Variants in NUP58 observed in about 807,000 individuals in gnomAD.
The protein encoded by NUP58 is nucleoporin 58, also known as nucleoporin p58/p45.
Under a neutral mutation model 70.1 loss-of-function variants are expected in NUP58, and 17 were observed. That is an observed-to-expected ratio of 0.24 (90% confidence interval 0.17 to 0.36). The LOEUF is 0.36. Among genes scored for constraint, NUP58 ranks in the 10% least tolerant of loss-of-function variants. NUP58 has a pLI of 1.00. For synonymous variants in NUP58, 275 were observed against 257.6 expected (o/e 1.07, Z -0.65); for missense variants, 644 against 701.5 (o/e 0.92, Z 0.93).
At chr13:25,335,481 A>G in intron 13 of NUP58, 1 of 985,054 alleles carries the variant, frequency 1.0e-6, no homozygotes, top group Non-Finnish European at 1.2e-6. Flanking sequence ...AGAAAGTATA[A>G]TAATATGCTT....
At chr13:25,317,090 C>T (rs965855163) in intron 6 of NUP58, among the ~76,000 whole-genome samples, 13 of 151,906 alleles carry the variant, frequency 8.6e-5, no homozygotes, top group Non-Finnish European at 1.3e-4. Context: ...TTAGCTTGGG[C>T]CCTGCAGTAC....
rs35470592 is a variant in NUP58, at chr13:25,308,469, ATT to A, written c.250+539_250+540del. Among the ~76,000 whole-genome samples, 627 of 137,784 alleles carry A rather than the reference ATT, an allele frequency of 4.6e-3. 2 individuals carry two copies. The highest frequency in any genetic ancestry group is 0.014 in the East Asian group (69 of 4,764). The allele number at this position is 137,784 out of a possible 152,430, so 90.4% of individuals were successfully genotyped here. A position where few individuals can be genotyped will look rare whatever the true frequency, so the allele number is the denominator to read the frequency against. ...ACGTGTGCACCACCACGCCTGGCTAATTTTTTTTTTTTTTTTTTTACTTTTTT... is the reference window on the plus strand; with the variant it reads ...ACGTGTGCACCACCACGCCTGGCTAATTTTTTTTTTTTTTTTTACTTTTTT... On this transcript the variant is annotated intron_variant, in intron 2 of 15. Coordinates refer to ENST00000381736, the MANE Select transcript of NUP58 (RefSeq NM_014089.4).
chr13:25,336,845 T>A (rs1447918690), intron 13 of NUP58, 91 bp from the exon 14 acceptor site: 1 of 821,802 alleles, frequency 1.2e-6, no homozygotes, highest in Non-Finnish European at 1.8e-6. Context: ...CTGTTCATTT[T>A]AAAAATAATT....
intron 1 of NUP58, among the ~76,000 whole-genome samples, chr13:25,305,348 T>A (rs2030294996): frequency 6.6e-6 from 1 of 152,036 alleles, no homozygotes; most frequent in Non-Finnish European, 1.5e-5. Context: ...GTTGTTGTTT[T>A]TTCGGTAGAG....
intron 13 of NUP58, chr13:25,336,422 ACTTACT>A (rs1447923997): frequency 5.5e-6 from 3 of 542,522 alleles, no homozygotes; most frequent in East Asian, 7.6e-5. Flanking sequence ...TTTTTTGGGT[ACTTACT>A]CTTATGAAAT....
chr13:25,325,076 G>A lies in NUP58; in HGVS notation c.1031+8G>A, dbSNP rs1418226435. Reference sequence around the variant, plus strand: ...ATATGCAGCTCCTGCTGAGTAAGTTGCTGGATTTTTAAAAACAAATGTTTC... The same window carrying A: ...ATATGCAGCTCCTGCTGAGTAAGTTACTGGATTTTTAAAAACAAATGTTTC... On this transcript the variant is annotated splice_region_variant and intron_variant, in intron 10 of 15. Transcript: ENST00000381736. 1 of 1,592,080 alleles carries A rather than the reference G, an allele frequency of 6.3e-7. No homozygotes were observed. Among genetic ancestry groups the A allele is most frequent in the Non-Finnish European group, 8.6e-7 (1 of 1,165,916 alleles).
chr13:25,343,805 G>A (rs375340135), downstream of NUP58, among the ~76,000 whole-genome samples: 82 of 137,646 alleles, frequency 6.0e-4, 1 homozygote, highest in African/African-American at 2.0e-3. Context: ...ACATATATAT[G>A]TATATATATA....
intron 13 of NUP58, chr13:25,332,757 G>C: frequency 1.0e-6 from 1 of 985,434 alleles, no homozygotes; most frequent in Non-Finnish European, 1.2e-6. Context: ...CTGTCTGGTA[G>C]CTCTCTAGCT....
At chr13:25,343,471 T>A (rs1313597066), downstream of NUP58, among the ~76,000 whole-genome samples, 1 of 151,300 alleles carries the variant, frequency 6.6e-6, no homozygotes, top group Non-Finnish European at 1.5e-5. Context: ...CATTCCTTTT[T>A]TTTTTTTTGA....
chr13:25,315,602 G>A (rs1200560911), intron 6 of NUP58, 135 bp downstream of exon 6: 12 of 613,004 alleles, frequency 2.0e-5, no homozygotes, highest in Middle Eastern at 3.0e-4. Flanking sequence ...ATGTGTATAC[G>A]AATATGTATT....
intron 6 of NUP58, among the ~76,000 whole-genome samples, chr13:25,319,120 T>C (rs1360115261): frequency 2.6e-5 from 4 of 152,244 alleles, no homozygotes; most frequent in Admixed American, 2.6e-4. Context: ...CTGCCATATA[T>C]CTGCTTATGT....
chr13:25,336,810 A>G (rs2031801267), intron 13 of NUP58, 126 bp from the exon 14 acceptor site: 1 of 608,084 alleles, frequency 1.6e-6, no homozygotes, highest in Non-Finnish European at 2.7e-6. Flanking sequence ...AAGTTTTAAC[A>G]AATGGAATCA....
At chr13:25,302,110 A>G (rs1205041644) in intron 1 of NUP58, among the ~76,000 whole-genome samples, 3 of 152,284 alleles carry the variant, frequency 2.0e-5, no homozygotes, top group Non-Finnish European at 4.4e-5. Context: ...TGAGGTTTCC[A>G]GAATCCACGT....
rs948798482 is a variant in NUP58 at position 25,341,460 on chromosome 13, T to C, written c.*1326T>C. ...GTTCTTTCTTATAGGGCTATTGATA[T>C]TGACACCAAATGGAGTGGCTTCTCA... On this transcript the variant is annotated 3_prime_UTR_variant, in exon 16 of 16. Transcript: ENST00000381736. The C allele has an allele frequency of 3.9e-5, 6 of 152,634 alleles. No individual in the cohort carries two copies. Among genetic ancestry groups the C allele is most frequent in the Non-Finnish European group, 5.9e-5 (4 of 68,038 alleles). The allele number at this position is 152,634 out of a possible 1,614,324, so 9.5% of individuals were successfully genotyped here.
chr13:25,303,440 A>G (rs2030133600), intron 1 of NUP58, among the ~76,000 whole-genome samples: 1 of 147,386 alleles, frequency 6.8e-6, no homozygotes, highest in Non-Finnish European at 1.5e-5. Context: ...GATATTTTCT[A>G]TTTCTTTTTT....
At chr13:25,326,189 C>G (rs1223512348) in intron 10 of NUP58, among the ~76,000 whole-genome samples, 1 of 152,208 alleles carries the variant, frequency 6.6e-6, no homozygotes, top group Non-Finnish European at 1.5e-5. Flanking sequence ...ATGAGATGTG[C>G]TTCCTCACTG....
chr13:25,311,533 G>T (rs565979584), intron 3 of NUP58, among the ~76,000 whole-genome samples: 1 of 151,826 alleles, frequency 6.6e-6, no homozygotes, highest in South Asian at 2.1e-4. Flanking sequence ...GCGCCACCAC[G>T]CCCAGCTAAT....
downstream of NUP58, among the ~76,000 whole-genome samples, chr13:25,346,246 G>T (rs1331429886): frequency 6.6e-6 from 1 of 152,196 alleles, no homozygotes; most frequent in Non-Finnish European, 1.5e-5. Flanking sequence ...AATCCCGTGA[G>T]CTGGGTAGTG....
intron 6 of NUP58, among the ~76,000 whole-genome samples, chr13:25,318,212 C>T (rs1006144197): frequency 3.3e-5 from 5 of 152,022 alleles, no homozygotes; most frequent in African/African-American, 1.2e-4. Context: ...CCTGTAATCC[C>T]AGCTACTCGG....
Sources: gnomAD v4.1 joint callset for allele counts (sites outside exome capture counted in the v4.1 genomes callset) on GRCh38, gnomAD v4.1.1 for gene constraint, MANE v1.5 for transcripts, NCBI Gene and HGNC (gene_info 2026-07-23, HGNC 2026-07-21) for gene names.